The following TASOR variants were observed in gnomAD, a reference collection of about 807,000 sequenced individuals.
The protein encoded by TASOR is protein TASOR.
Under a neutral mutation model 178.6 loss-of-function variants are expected in TASOR, and 53 were observed. The observed-to-expected ratio is 0.30, with a 90% CI of 0.24 to 0.37. The LOEUF (loss-of-function observed/expected upper bound fraction) is 0.37, where lower values mean the gene tolerates loss of function less well. TASOR is among the 10% of genes least tolerant of loss of function. The pLI is 1.00. For synonymous variants in TASOR, 713 were observed against 696.2 expected, an observed-to-expected ratio of 1.02 and a Z score of -0.38; for missense variants, 1,815 against 1,971.4, an observed-to-expected ratio of 0.92 and a Z score of 1.50.
intron 1 of TASOR, among the ~76,000 whole-genome samples, chr3:56,674,733 T>C (rs1338687574): frequency 6.6e-6 from 1 of 152,100 alleles, no homozygotes; most frequent in Non-Finnish European, 1.5e-5. Context: ...AATGGCAAAC[T>C]CCAGCTACTC....
At chr3:56,682,653 T>G in intron 1 of TASOR, 23 bp downstream of exon 1, 2 of 1,436,338 alleles carry the variant, frequency 1.4e-6, no homozygotes, top group South Asian at 1.5e-5. Flanking sequence ...AGAGAGGGGG[T>G]TGAGAAGAAG....
In TASOR at chr3:56,682,954, TC is replaced by T; in HGVS notation, c.52del (p.Glu18LysfsTer10). On this transcript the variant is annotated frameshift_variant, in exon 1 of 24. Transcript: ENST00000683822. LOFTEE classifies it high-confidence loss of function. ...CTCGTCGTCTCCGCCGCCGCCACTT[TC>T]CCAACTCGCATCCGTCGGCTGACAG... ...EACQPTDASW[E>X]SGGGGDDEMK... 1 of 1,549,624 alleles carries T rather than the reference TC, an allele frequency of 6.5e-7. No individual in the cohort carries two copies. Among genetic ancestry groups the T allele is most frequent in the Non-Finnish European group, 8.7e-7 (1 of 1,146,426 alleles).
chr3:56,671,007 A>G (rs915078420), intron 3 of TASOR, among the ~76,000 whole-genome samples: 19 of 151,120 alleles, frequency 1.3e-4, no homozygotes, highest in Non-Finnish European at 2.7e-4. Context: ...ATAGAAGATA[A>G]TCTCACATAT....
At chr3:56,654,354 G>C (rs1274378770) in intron 11 of TASOR, among the ~76,000 whole-genome samples, 10 of 112,338 alleles carry the variant, frequency 8.9e-5, no homozygotes, top group Non-Finnish European at 1.3e-4. Context: ...CTAAACAAAA[G>C]CCAAACCCCA....
chr3:56,668,841 G>A lies in TASOR; in HGVS notation c.736-283C>T, dbSNP rs1049435669. 7.9e-5 allele frequency among the ~76,000 whole-genome samples: 12 copies of A among 152,048 alleles called. 1 individual carries two copies. Among genetic ancestry groups the A allele is most frequent in the South Asian group, 6.2e-4 (3 of 4,816 alleles). On this transcript the variant is annotated intron_variant, in intron 5 of 23. Transcript: ENST00000683822. ...ACAAAAATTAGCAGTGCATGGTGGCGCACGCTTTTAATCCCAGCTACTCAG... is the reference window on the plus strand; with the variant it reads ...ACAAAAATTAGCAGTGCATGGTGGCACACGCTTTTAATCCCAGCTACTCAG...
intron 11 of TASOR, among the ~76,000 whole-genome samples, chr3:56,657,686 C>T (rs937951821): frequency 3.3e-5 from 5 of 152,060 alleles, no homozygotes; most frequent in Admixed American, 3.3e-4. Flanking sequence ...TGGAGATCTC[C>T]CTAAGCATTT....
intron 18 of TASOR, among the ~76,000 whole-genome samples, chr3:56,630,761 C>T (rs1387380342): frequency 6.6e-6 from 1 of 152,130 alleles, no homozygotes; most frequent in African/African-American, 2.4e-5. Context: ...AGGAGAATTG[C>T]TTGACCCCAG....
Position 56,647,037 on chromosome 3 carries a change from C to G in TASOR, c.1700G>C (p.Gly567Ala). 4 of 1,602,692 alleles carry G rather than the reference C, an allele frequency of 2.5e-6. No homozygotes were observed. Among genetic ancestry groups the G allele is most frequent in the African/African-American group, 1.3e-5 (1 of 74,116 alleles). ...CATAATAAACTCTCGTTTACCTGAA[C>G]CAAAACCTCGCTTAAAAAATTCACT... ...YVSEFFKRGF[G>A]SGKREFIMFP... Residue 567 changes from glycine to alanine, a missense_variant, in exon 14 of 24, where the codon GGT (glycine) becomes GCT (alanine). Physicochemically the swap from Gly to Ala is moderately conservative, Grantham distance 60. This residue lies in a region of TASOR where 504 missense variants were observed against 645.3 expected (regional missense o/e 0.78). Coordinates refer to ENST00000683822, the MANE Select transcript of TASOR (RefSeq NM_001365635.2).
At chr3:56,656,224 T>C (rs1559839760) in intron 11 of TASOR, among the ~76,000 whole-genome samples, 1 of 152,194 alleles carries the variant, frequency 6.6e-6, no homozygotes, top group Non-Finnish European at 1.5e-5. Flanking sequence ...TTGATCTGCA[T>C]TAAATCAATA....
chr3:56,679,991 T>C (rs538545621), intron 1 of TASOR, among the ~76,000 whole-genome samples: 1 of 152,280 alleles, frequency 6.6e-6, no homozygotes, highest in East Asian at 1.9e-4. Context: ...TTTCTGAATG[T>C]CAAAATTCCC....
chr3:56,643,067 T>C (rs981749388), intron 14 of TASOR, among the ~76,000 whole-genome samples: 13 of 151,546 alleles, frequency 8.6e-5, no homozygotes, highest in Non-Finnish European at 8.8e-5. Flanking sequence ...AGTTCGAAAC[T>C]AGCTCAGCCA....
At chr3:56,662,263 C>G (rs1438313468) in intron 9 of TASOR, 122 bp downstream of exon 9, 2 of 629,466 alleles carry the variant, frequency 3.2e-6, no homozygotes, top group Non-Finnish European at 5.6e-6. Flanking sequence ...AAAAACAAAC[C>G]AACATTTATA....
At chr3:56,672,508 G>A (rs757850150) in intron 2 of TASOR, among the ~76,000 whole-genome samples, 2 of 152,190 alleles carry the variant, frequency 1.3e-5, no homozygotes, top group Non-Finnish European at 2.9e-5. Flanking sequence ...AAATCATTAT[G>A]CATCAAATAT....
In TASOR at chr3:56,632,474, C is replaced by CA. The variant is rs35002030; in HGVS notation, c.3747+569dup. Among the ~76,000 whole-genome samples the CA allele has an allele frequency of 4.6e-3, 675 of 145,502 alleles. 3 individuals are homozygous for CA. The highest frequency in any genetic ancestry group is 7.0e-3 in the Non-Finnish European group (452 of 64,826). ...TGGGCGACAGAAGGAGACTCTGTCT[C>CA]AAAAAAAAAAACAAAAATCCAAGAA... On this transcript the variant is annotated intron_variant, in intron 18 of 23. Coordinates refer to ENST00000683822, the MANE Select transcript of TASOR (RefSeq NM_001365635.2).
intron 1 of TASOR, among the ~76,000 whole-genome samples, chr3:56,677,877 TAGA>T (rs1362191630): frequency 6.6e-6 from 1 of 152,292 alleles, no homozygotes; most frequent in African/African-American, 2.4e-5. Context: ...GCAGTAGCAA[TAGA>T]AGTTCTTTCA....
In TASOR at chr3:56,647,084, A is replaced by T; in HGVS notation, c.1653T>A (p.His551Gln). Residue 551 changes from histidine to glutamine, a missense_variant, in exon 14 of 24, where the codon CAT (histidine) becomes CAA (glutamine). His to Gln is a conservative substitution (Grantham distance 24). Transcript: ENST00000683822. ...EFKNISAINF[H>Q]SVVEKYVSEF... ...CACTTACATACTTTTCAACAACAGA[A>T]TGAAAATTTATGGCGCTTATATTTT... The T allele has an allele frequency of 6.2e-7, 1 of 1,606,356 alleles. No homozygotes were observed. The highest frequency in any genetic ancestry group is 8.5e-7 in the Non-Finnish European group (1 of 1,178,302).
Position 56,641,433 on chromosome 3 carries a change from T to TAA in TASOR, c.2533_2534dup (p.Leu845PhefsTer3). On this transcript the variant is annotated frameshift_variant, in exon 15 of 24. Coordinates refer to ENST00000683822, the MANE Select transcript of TASOR (RefSeq NM_001365635.2). LOFTEE classifies it high-confidence loss of function. ...ACTTAGATGTTGCATCAACTTCTAGTAATAAGCTCTGAGTACCCTTAAACT... is the reference window on the plus strand; with the variant it reads ...ACTTAGATGTTGCATCAACTTCTAGTAAAATAAGCTCTGAGTACCCTTAAACT... 1 of 1,607,010 alleles carries TAA rather than the reference T, an allele frequency of 6.2e-7. No individual in the cohort carries two copies. The highest frequency in any genetic ancestry group is 8.5e-7 in the Non-Finnish European group (1 of 1,173,786).
Position 56,624,996 on chromosome 3 carries a change from T to C in TASOR, c.4150A>G (p.Lys1384Glu). ...AGAAGCGTCAACAGACTTAGAGCTT[T>C]AGCATTCAATCTGTGAAATTAAGCA... ...KLKELGRLNA[K>E]ALSLLTLLNV... The change falls in exon 22 of 24, where the codon AAA (lysine) becomes GAA (glutamate). Residue 1384 changes from lysine (K) to glutamate (E), a missense_variant. Physicochemically the swap from Lys to Glu is moderately conservative, Grantham distance 56 (BLOSUM62 1). Around this residue, in one of 5 missense-constraint regions of TASOR, gnomAD observed 134 missense variants for 195.2 expected, o/e 0.69. Transcript: ENST00000683822. 1.9e-6 allele frequency: 3 copies of C among 1,613,832 alleles called. No individual in the cohort carries two copies. Among genetic ancestry groups the C allele is most frequent in the African/African-American group, 2.7e-5 (2 of 75,062 alleles).
intron 1 of TASOR, among the ~76,000 whole-genome samples, chr3:56,678,882 A>G (rs994095827): frequency 1.3e-5 from 2 of 151,980 alleles, no homozygotes; most frequent in African/African-American, 4.8e-5. Flanking sequence ...GTGGTGGCAC[A>G]TGCCTGTAAT....
Sources: gnomAD v4.1 joint callset for allele counts (sites outside exome capture counted in the v4.1 genomes callset) on GRCh38, gnomAD v4.1.1 for gene constraint, gnomAD v4.1.1 regional missense constraint, MANE v1.5 for transcripts, NCBI Gene and HGNC (gene_info 2026-07-23, HGNC 2026-07-21) for gene names.